The following RAB6B variants were observed in gnomAD, a reference collection of about 807,000 sequenced individuals.
The protein encoded by RAB6B is RAB6B, member RAS oncogene family.
A neutral mutation model predicts 31.2 loss-of-function variants in RAB6B; 7 were observed. That is an observed-to-expected ratio of 0.22 (90% confidence interval 0.13 to 0.42). The LOEUF is 0.42. Ranked by LOEUF, RAB6B falls within the 10% of genes least tolerant of loss-of-function variation. The probability of loss-of-function intolerance (pLI) is 1.00; values close to 1 mark genes in which losing one functional copy is unlikely to be tolerated. For synonymous variants in RAB6B, 105 were observed against 104.9 expected, an observed-to-expected ratio of 1.00 and a Z score of -0.01; for missense variants, 149 against 280.6, an observed-to-expected ratio of 0.53 and a Z score of 3.35.
intron 1 of RAB6B, among the ~76,000 whole-genome samples, chr3:133,882,523 G>A (rs1312447039): frequency 3.3e-5 from 5 of 152,204 alleles, no homozygotes; most frequent in Non-Finnish European, 7.3e-5. Context: ...CCACTGTGGT[G>A]AACCGGGCTG....
intron 2 of RAB6B, among the ~76,000 whole-genome samples, chr3:133,843,496 C>T (rs550771162): frequency 6.6e-6 from 1 of 152,228 alleles, no homozygotes; most frequent in South Asian, 2.1e-4. Context: ...AGTCTCTCAA[C>T]TCCTCAATGC....
intron 2 of RAB6B, among the ~76,000 whole-genome samples, chr3:133,857,426 GAAAAA>G (rs71136497): frequency 9.2e-5 from 11 of 119,826 alleles, no homozygotes; most frequent in East Asian, 3.2e-4. Context: ...TTTTTGAAGG[GAAAAA>G]AAAAAAAAAA....
intron 2 of RAB6B, among the ~76,000 whole-genome samples, chr3:133,850,199 G>T (rs551185343): frequency 1.3e-5 from 2 of 152,158 alleles, no homozygotes; most frequent in East Asian, 1.9e-4. Context: ...CCACGGGGGG[G>T]AGAATTGAGA....
intron 5 of RAB6B, 87 bp from the exon 6 acceptor site, chr3:133,838,346 G>C (rs937191160): frequency 2.6e-5 from 32 of 1,236,742 alleles, no homozygotes; most frequent in Non-Finnish European, 3.5e-5. Flanking sequence ...GCAGGGCAGA[G>C]GGAGCCCACT....
chr3:133,889,402 A>T lies in RAB6B; in HGVS notation c.70+5995T>A, dbSNP rs1460918455. On this transcript the variant is annotated intron_variant, in intron 1 of 7. Coordinates refer to ENST00000285208, the MANE Select transcript of RAB6B (RefSeq NM_016577.4). The stretch of plus-strand genomic sequence containing the variant: ...AGGTTATTTTGTTATATATATATAT[A>T]TATATATATATATATATATATATAT... Among the ~76,000 whole-genome samples, 42 of 23,952 alleles carry T rather than the reference A, an allele frequency of 1.8e-3. 1 individual carries two copies. Among genetic ancestry groups the T allele is most frequent in the Non-Finnish European group, 2.8e-3 (35 of 12,312 alleles). 15.7% of individuals were successfully genotyped at this position (23,952 alleles called of 152,430 possible).
At chr3:133,835,125 T>C (rs1472358791) in intron 6 of RAB6B, among the ~76,000 whole-genome samples, 1 of 152,214 alleles carries the variant, frequency 6.6e-6, no homozygotes, top group East Asian at 1.9e-4. Flanking sequence ...GGGCCAGGGC[T>C]GCATGGGCAC....
intron 2 of RAB6B, among the ~76,000 whole-genome samples, chr3:133,860,108 A>G (rs534361601): frequency 1.2e-3 from 182 of 152,300 alleles, no homozygotes; most frequent in Admixed American, 3.5e-3. Context: ...TCCAGTCCCC[A>G]TTGGGATCAG....
chr3:133,882,634 T>A (rs139298229), intron 1 of RAB6B, among the ~76,000 whole-genome samples: 11 of 152,320 alleles, frequency 7.2e-5, no homozygotes, highest in African/African-American at 2.4e-4. Flanking sequence ...TCACTGGGCA[T>A]CTGCATGCTG....
At chr3:133,855,379 G>A (rs1936059842) in intron 2 of RAB6B, among the ~76,000 whole-genome samples, 1 of 152,240 alleles carries the variant, frequency 6.6e-6, no homozygotes, top group Non-Finnish European at 1.5e-5. Context: ...GTATGGTCCT[G>A]GAGGCCACTT....
chr3:133,841,172 GCGTGTGCACAC>G (rs1559901512), intron 4 of RAB6B, 102 bp downstream of exon 4: 169 of 703,166 alleles, frequency 2.4e-4, no homozygotes, highest in Non-Finnish European at 3.7e-4. Flanking sequence ...GCACACACAT[GCGTGTGCACAC>G]ACATGCGTGT....
At chr3:133,876,542 T>A (rs565916024) in intron 1 of RAB6B, among the ~76,000 whole-genome samples, 5 of 152,132 alleles carry the variant, frequency 3.3e-5, no homozygotes, top group Non-Finnish European at 7.4e-5. Flanking sequence ...GGACCACAAA[T>A]TTGCTTACAA....
chr3:133,890,015 A>T (rs771475984), intron 1 of RAB6B, among the ~76,000 whole-genome samples: 3 of 152,188 alleles, frequency 2.0e-5, no homozygotes, highest in Non-Finnish European at 4.4e-5. Context: ...ATAAAAAAGC[A>T]AAGGTTCTGG....
chr3:133,841,459 G>C, intron 3 of RAB6B, 69 bp from the exon 4 acceptor site: 1 of 1,567,592 alleles, frequency 6.4e-7, no homozygotes, highest in Non-Finnish European at 8.8e-7. Context: ...TGGTCCGGGG[G>C]ACTGGGAGAG....
chr3:133,841,053 C>T (rs888511526), intron 4 of RAB6B, among the ~76,000 whole-genome samples: 9 of 152,192 alleles, frequency 5.9e-5, no homozygotes, highest in African/African-American at 1.9e-4. Flanking sequence ...ACCAACCTGG[C>T]CCTATAAACC....
chr3:133,876,934 G>A (rs953635849), intron 1 of RAB6B, among the ~76,000 whole-genome samples: 1 of 152,062 alleles, frequency 6.6e-6, no homozygotes, highest in South Asian at 2.1e-4. Context: ...CTTTAGCTCT[G>A]GTCAAAATGG....
At position 133,864,649 on chromosome 3, in the gene RAB6B, A is replaced by T. The variant is rs377721497; in HGVS notation, c.71-7T>A. On this transcript the variant is annotated splice_region_variant and splice_polypyrimidine_tract_variant and intron_variant, in intron 1 of 7. Transcript: ENST00000285208. ...ATCAGAGACGTCTTCCCGACTGCAA[A>T]ACAACAAGGAGAGAGGTGTTCAGTC... 3 of 1,613,554 alleles carry T rather than the reference A, an allele frequency of 1.9e-6. No individual in the cohort carries two copies. The highest frequency in any genetic ancestry group is 2.5e-6 in the Non-Finnish European group (3 of 1,179,412).
chr3:133,827,532 GC>G lies in RAB6B; in HGVS notation c.*1255del, dbSNP rs1469969789. On this transcript the variant is annotated 3_prime_UTR_variant, in exon 8 of 8. Transcript: ENST00000285208. ...GGAAGAGATGGCTCTCTGGGGGCAAGCAGCCTTCTGGAGACCCCACCTGAAC... is the reference window on the plus strand; with the variant it reads ...GGAAGAGATGGCTCTCTGGGGGCAAGAGCCTTCTGGAGACCCCACCTGAAC... 5 of 216,312 alleles carry G rather than the reference GC, an allele frequency of 2.3e-5. No individual in the cohort carries two copies. The South Asian group carries it at 5.1e-4, about 22-fold the overall frequency. The allele number at this position is 216,312 out of a possible 1,614,324, so 13.4% of individuals were successfully genotyped here.
chr3:133,887,443 T>G (rs766377353), intron 1 of RAB6B, among the ~76,000 whole-genome samples: 7 of 152,208 alleles, frequency 4.6e-5, no homozygotes, highest in Non-Finnish European at 1.0e-4. Context: ...CCAGGACAGT[T>G]CTGGGGGCAA....
chr3:133,892,205 G>C (rs1385145397), intron 1 of RAB6B, among the ~76,000 whole-genome samples: 4 of 152,028 alleles, frequency 2.6e-5, no homozygotes, highest in African/African-American at 9.7e-5. Flanking sequence ...ATCAGCACAG[G>C]GGCATACCCA....
Sources: allele counts gnomAD v4.1 joint callset (sites outside exome capture counted in the v4.1 genomes callset), GRCh38; gene constraint gnomAD v4.1.1; transcripts MANE v1.5; gene names NCBI Gene and HGNC (gene_info 2026-07-23, HGNC 2026-07-21).